LACTB2: variants seen among roughly 807,000 people sequenced by gnomAD.
The protein encoded by LACTB2 is endoribonuclease LACTB2.
In LACTB2, 32 loss-of-function variants were observed where a neutral mutation model predicts 34.8. That is an observed-to-expected ratio of 0.92 (90% confidence interval 0.69 to 1.24). LACTB2 has a LOEUF of 1.24. LACTB2 is among the 50% of genes most tolerant of loss of function. LACTB2 has a pLI of 0.00. For missense variants in LACTB2, 320 were observed against 345.0 expected (o/e 0.93, Z 0.57); for synonymous variants, 120 against 117.5 (o/e 1.02, Z -0.14).
intron 1 of LACTB2, among the ~76,000 whole-genome samples, chr8:70,663,517 G>A (rs1563408917): frequency 6.6e-6 from 1 of 152,228 alleles, no homozygotes; most frequent in Admixed American, 6.5e-5. Context: ...GACCAAGAGG[G>A]CATTTATTAT....
At chr8:70,665,385 T>G (rs371311558) in intron 1 of LACTB2, among the ~76,000 whole-genome samples, 2 of 152,314 alleles carry the variant, frequency 1.3e-5, no homozygotes, top group South Asian at 4.1e-4. Context: ...GATGGAAAAT[T>G]AGTAGAATCA....
intron 3 of LACTB2, among the ~76,000 whole-genome samples, chr8:70,653,504 C>T (rs1818371740): frequency 6.6e-6 from 1 of 152,190 alleles, no homozygotes; most frequent in Admixed American, 6.5e-5. Context: ...TGGACATCTA[C>T]TACTTCATTT....
chr8:70,663,211 CAT>C (rs1818500787), intron 1 of LACTB2: 1 of 152,174 alleles, frequency 6.6e-6, no homozygotes, highest in Non-Finnish European at 1.5e-5. Context: ...AGGGGAACTG[CAT>C]ATGACTGGAA....
chr8:70,645,143 C>T (rs1477636314), intron 3 of LACTB2, among the ~76,000 whole-genome samples: 1 of 151,604 alleles, frequency 6.6e-6, no homozygotes, highest in Non-Finnish European at 1.5e-5. Flanking sequence ...TTATGTTTTC[C>T]AAGCTGTTCT....
In LACTB2 at chr8:70,669,102, G is replaced by C. The variant is rs773957376; in HGVS notation, c.19C>G (p.Arg7Gly). The change falls in exon 1 of 7, where the codon CGC (arginine) becomes GGC (glycine). Residue 7 changes from arginine (R) to glycine (G), a missense_variant. Physicochemically the swap from Arg to Gly is moderately radical, Grantham distance 125 (BLOSUM62 -2). Coordinates refer to ENST00000276590, the MANE Select transcript of LACTB2 (RefSeq NM_016027.3). ...ACTCGATTGGACAGCCGCTCGACGC[G>C]CTGCAGTACAGCAGCCATTCCCGCC... The part of the protein sequence containing the change: MAAVLQ[R>G]VERLSNRVVR... 5 of 1,609,596 alleles carry C rather than the reference G, an allele frequency of 3.1e-6. No individual in the cohort carries two copies. The highest frequency in any genetic ancestry group is 2.7e-5 in the African/African-American group (2 of 74,884).
At chr8:70,649,897 CATA>C (rs1292327695) in intron 3 of LACTB2, among the ~76,000 whole-genome samples, 2 of 152,096 alleles carry the variant, frequency 1.3e-5, no homozygotes, top group Non-Finnish European at 2.9e-5. Context: ...TGAGCCTAGC[CATA>C]ATATGTAAAT....
chr8:70,654,305 G>A (rs1340380640), intron 3 of LACTB2, among the ~76,000 whole-genome samples: 2 of 152,104 alleles, frequency 1.3e-5, no homozygotes, highest in African/African-American at 4.8e-5. Flanking sequence ...AGGAATATTT[G>A]TATATGGCTA....
chr8:70,650,638 G>C (rs1818327004), intron 3 of LACTB2, among the ~76,000 whole-genome samples: 1 of 142,406 alleles, frequency 7.0e-6, no homozygotes, highest in Non-Finnish European at 1.5e-5. Context: ...TCTAAGGCAA[G>C]AGAATTGCTG....
chr8:70,640,687 T>G, intron 5 of LACTB2: 1 of 379,376 alleles, frequency 2.6e-6, no homozygotes. Context: ...GTTAAGTATA[T>G]AAAGTTCAAT....
chr8:70,669,025 G>A lies in LACTB2; in HGVS notation c.96C>T (p.Asn32=). The A allele has an allele frequency of 6.2e-7, 1 of 1,603,070 alleles. No homozygotes were observed. Among genetic ancestry groups the A allele is most frequent in the East Asian group, 2.3e-5 (1 of 44,410 alleles). Residue 32 remains asparagine, a synonymous_variant, in exon 1 of 7, where the codon AAC becomes AAT. Transcript: ENST00000276590. The stretch of plus-strand genomic sequence containing the variant: ...TGGGGCCGGTCCCCACTAGGTAGGT[G>A]TTGGTGCCTTGGAGGGTCATGGGAC... ...NPGPMTLQGT[N]TYLVGTGPRR... is the part of the protein sequence containing the mutation.
intron 6 of LACTB2, 59 bp downstream of exon 6, chr8:70,638,489 G>C: frequency 6.8e-7 from 1 of 1,469,298 alleles, no homozygotes; most frequent in Non-Finnish European, 9.1e-7. Flanking sequence ...AGGAAACTAA[G>C]GCATCTGTAA....
intron 3 of LACTB2, among the ~76,000 whole-genome samples, chr8:70,655,571 T>C (rs1381757589): frequency 6.6e-6 from 1 of 152,146 alleles, no homozygotes; most frequent in Non-Finnish European, 1.5e-5. Flanking sequence ...CATATATATA[T>C]ACCACAGTTT....
chr8:70,660,673 C>T (rs945397059), intron 2 of LACTB2: 1 of 456,270 alleles, frequency 2.2e-6, no homozygotes, highest in Non-Finnish European at 4.4e-6. Flanking sequence ...GAGCTTGCTC[C>T]TTCTCTCTGT....
At chr8:70,668,963 C>A in intron 1 of LACTB2, 36 bp downstream of exon 1, 1 of 1,557,936 alleles carries the variant, frequency 6.4e-7, no homozygotes, top group African/African-American at 1.4e-5. Context: ...CCGGGGCCGG[C>A]TGCGAACGTT....
chr8:70,668,932 C>A (rs1189267029), intron 1 of LACTB2, 67 bp downstream of exon 1: 3 of 1,543,154 alleles, frequency 1.9e-6, no homozygotes, highest in Admixed American at 2.0e-5. Flanking sequence ...CGCGCAGCCG[C>A]GATCAGTCAA....
At chr8:70,652,860 C>G (rs1563405704) in intron 3 of LACTB2, 1 of 150,874 alleles carries the variant, frequency 6.6e-6, no homozygotes, top group Non-Finnish European at 1.5e-5. Flanking sequence ...TATCTTTAAT[C>G]TGGTAAATTA....
intron 5 of LACTB2, among the ~76,000 whole-genome samples, chr8:70,640,356 A>G (rs1388526256): frequency 6.6e-6 from 1 of 152,050 alleles, no homozygotes; most frequent in Non-Finnish European, 1.5e-5. Flanking sequence ...TGACTGCTAT[A>G]TAGTGCTGTC....
chr8:70,640,199 C>T (rs56714105), intron 5 of LACTB2, among the ~76,000 whole-genome samples: 10,493 of 152,160 alleles, frequency 0.069, 412 homozygotes, highest in Non-Finnish European at 0.078. Context: ...TGGGCTGAAG[C>T]AAACCTCCCA....
chr8:70,640,926 C>A lies in LACTB2; in HGVS notation c.717G>T (p.Met239Ile). ...RENFEKSFTV[M>I]ELVKIIYKNT... ...CCTTGTAAATAATTTTTACAAGCTCCATTACTGTAAATGATTTCTCAAAGT... is the reference window on the plus strand; with the variant it reads ...CCTTGTAAATAATTTTTACAAGCTCAATTACTGTAAATGATTTCTCAAAGT... Residue 239 changes from methionine to isoleucine, a missense_variant, in exon 5 of 7, where the codon ATG becomes ATT. Coordinates refer to ENST00000276590, the MANE Select transcript of LACTB2 (RefSeq NM_016027.3). 1 of 1,601,262 alleles carries A rather than the reference C, an allele frequency of 6.2e-7. No individual in the cohort carries two copies. The highest frequency in any genetic ancestry group is 8.5e-7 in the Non-Finnish European group (1 of 1,175,722).
Sources: allele counts gnomAD v4.1 joint callset (sites outside exome capture counted in the v4.1 genomes callset), GRCh38; gene constraint gnomAD v4.1.1; transcripts MANE v1.5; gene names NCBI Gene and HGNC (gene_info 2026-07-23, HGNC 2026-07-21).